NTM: variants seen among roughly 807,000 people sequenced by gnomAD.
NTM encodes the protein IgLON family member 2.
In NTM, 13 loss-of-function variants were observed where a neutral mutation model predicts 42.1. The ratio of observed to expected loss-of-function variants is 0.31; its 90% CI spans 0.20 to 0.49. NTM has a LOEUF of 0.49. Ranked by LOEUF, NTM falls within the 20% of genes least tolerant of loss-of-function variation. The pLI, the probability that NTM is intolerant of heterozygous loss-of-function variation, is 0.99. For synonymous variants in NTM, 187 were observed against 179.2 expected (o/e 1.04, Z -0.35); for missense variants, 373 against 452.8 (o/e 0.82, Z 1.60).
rs536740575 is a variant in NTM at position 132,254,847 on chromosome 11, G to A, written c.526+42700G>A. ...TCATTCTTGGCGCCATTGATATTTA[G>A]GCTGGCGAATTTCTTCTTGTGGGGG... is the stretch of plus-strand genomic sequence containing the variant. On this transcript the variant is annotated intron_variant, in intron 4 of 8. Coordinates refer to ENST00000683400, the MANE Select transcript of NTM (RefSeq NM_001352005.2). 1.7e-4 allele frequency among the ~76,000 whole-genome samples: 26 copies of A among 152,300 alleles called. No individual in the cohort carries two copies. The South Asian group carries it at 2.7e-3, about 16-fold the overall frequency.
At chr11:131,490,025 G>T (rs1475637605) in intron 1 of NTM, among the ~76,000 whole-genome samples, 1 of 152,232 alleles carries the variant, frequency 6.6e-6, no homozygotes, top group Admixed American at 6.5e-5. Flanking sequence ...GGGAGCTGGT[G>T]TGCAGAGATT....
intron 1 of NTM, among the ~76,000 whole-genome samples, chr11:131,690,050 A>T (rs1377660505): frequency 2.0e-5 from 3 of 152,148 alleles, no homozygotes; most frequent in Non-Finnish European, 4.4e-5. Context: ...ATTCATGATG[A>T]GATCTCATGA....
At chr11:131,947,159 G>T (rs1001937422) in intron 2 of NTM, among the ~76,000 whole-genome samples, 19 of 152,144 alleles carry the variant, frequency 1.2e-4, no homozygotes, top group African/African-American at 4.1e-4. Context: ...ATTTAATTAT[G>T]AAGTTTAGCA....
At chr11:131,743,278 A>G (rs1390119596) in intron 1 of NTM, among the ~76,000 whole-genome samples, 1 of 151,268 alleles carries the variant, frequency 6.6e-6, no homozygotes, top group Non-Finnish European at 1.5e-5. Flanking sequence ...TGATTAAGAT[A>G]TGTCCATTTC....
At chr11:131,646,807 G>T (rs1311851034) in intron 1 of NTM, among the ~76,000 whole-genome samples, 1 of 152,090 alleles carries the variant, frequency 6.6e-6, no homozygotes, top group African/African-American at 2.4e-5. Context: ...GTTTTGTTCC[G>T]ATTTTAACCT....
chr11:131,782,056 C>T (rs1486308413), intron 1 of NTM, among the ~76,000 whole-genome samples: 1 of 152,080 alleles, frequency 6.6e-6, no homozygotes, highest in Non-Finnish European at 1.5e-5. Flanking sequence ...TTTTATTGAG[C>T]AAGTGGGACA....
At chr11:131,653,309 G>A (rs1410948052) in intron 1 of NTM, among the ~76,000 whole-genome samples, 1 of 151,770 alleles carries the variant, frequency 6.6e-6, no homozygotes, top group Admixed American at 6.6e-5. Context: ...AACAGATGTG[G>A]CCCACTGGAA....
chr11:131,976,147 C>CCTTCCTTCCTTT (rs1271899375), intron 2 of NTM, among the ~76,000 whole-genome samples: 2 of 141,942 alleles, frequency 1.4e-5, no homozygotes, highest in African/African-American at 5.1e-5. Context: ...TTCCTTCCTT[C>CCTTCCTTCCTTT]CTTCCTTCCT....
At chr11:132,324,773 T>C (rs1219168965) in intron 7 of NTM, among the ~76,000 whole-genome samples, 2 of 147,790 alleles carry the variant, frequency 1.4e-5, no homozygotes, top group African/African-American at 5.0e-5. Flanking sequence ...CAAACTATAC[T>C]ACAAGGCTAC....
chr11:131,498,053 T>G (rs1268922335), intron 1 of NTM, among the ~76,000 whole-genome samples: 1 of 152,198 alleles, frequency 6.6e-6, no homozygotes, highest in Non-Finnish European at 1.5e-5. Flanking sequence ...CCTTGTCAGG[T>G]GTGTTCTCTC....
chr11:131,470,312 A>G (rs1397049165), intron 1 of NTM, among the ~76,000 whole-genome samples: 3 of 152,232 alleles, frequency 2.0e-5, no homozygotes, highest in African/African-American at 7.2e-5. Context: ...TTCAACTCCC[A>G]GCAAGGAGGT....
intron 4 of NTM, among the ~76,000 whole-genome samples, chr11:132,235,290 T>C (rs146534044): frequency 0.011 from 1,665 of 152,210 alleles, 38 homozygotes; most frequent in African/African-American, 0.038. Flanking sequence ...GCAAGGTGGG[T>C]TATCAAACCC....
intron 2 of NTM, among the ~76,000 whole-genome samples, chr11:132,021,660 T>C (rs1443957012): frequency 6.6e-6 from 1 of 152,166 alleles, no homozygotes; most frequent in Non-Finnish European, 1.5e-5. Context: ...TTTCTTTAAT[T>C]TTATATCCTG....
chr11:131,401,897 C>A lies in NTM; in HGVS notation c.82+31009C>A, dbSNP rs61058539. Among the ~76,000 whole-genome samples, 307 of 128,318 alleles carry A rather than the reference C, an allele frequency of 2.4e-3. 1 individual carries two copies. The highest frequency in any genetic ancestry group is 9.8e-3 in the Middle Eastern group (2 of 204). 84.2% of individuals were successfully genotyped at this position (128,318 alleles called of 152,430 possible). A position where few individuals can be genotyped will look rare whatever the true frequency, so the allele number is the denominator to read the frequency against. On this transcript the variant is annotated intron_variant, in intron 1 of 8. Coordinates refer to ENST00000683400, the MANE Select transcript of NTM (RefSeq NM_001352005.2). ...ACTAGGACCTTCACCAAGAGAGAGA[C>A]TAAATTATGACTAATGGCCATTCCT... is the stretch of plus-strand genomic sequence containing the variant.
intron 1 of NTM, among the ~76,000 whole-genome samples, chr11:131,731,268 T>C (rs1337285312): frequency 6.6e-6 from 1 of 152,142 alleles, no homozygotes; most frequent in Non-Finnish European, 1.5e-5. Context: ...TACCTTCTCT[T>C]CATTATGTTC....
intron 1 of NTM, among the ~76,000 whole-genome samples, chr11:131,829,109 G>A (rs2042490579): frequency 6.6e-6 from 1 of 151,832 alleles, no homozygotes; most frequent in Admixed American, 6.6e-5. Context: ...ACCCAGTAAT[G>A]AGAACTTCCA....
intron 4 of NTM, among the ~76,000 whole-genome samples, chr11:132,226,700 A>G (rs1313169608): frequency 6.6e-6 from 1 of 152,166 alleles, no homozygotes; most frequent in Non-Finnish European, 1.5e-5. Flanking sequence ...CAGTTAGAAT[A>G]CTGTTGATTT....
At chr11:131,933,749 G>A (rs920702755) in intron 2 of NTM, among the ~76,000 whole-genome samples, 15 of 152,080 alleles carry the variant, frequency 9.9e-5, no homozygotes, top group African/African-American at 1.9e-4. Flanking sequence ...TCCCGTGGGC[G>A]ATGAATTTGG....
chr11:132,194,395 G>A (rs115822429), intron 3 of NTM, among the ~76,000 whole-genome samples: 529 of 151,820 alleles, frequency 3.5e-3, no homozygotes, highest in African/African-American at 0.012. Flanking sequence ...TGCTGAAAAG[G>A]CTCTCAATAA....
Sources: gnomAD v4.1 joint callset for allele counts (sites outside exome capture counted in the v4.1 genomes callset) on GRCh38, gnomAD v4.1.1 for gene constraint, MANE v1.5 for transcripts, NCBI Gene and HGNC (gene_info 2026-07-23, HGNC 2026-07-21) for gene names.